The following NIPA1 variants were observed in gnomAD, a reference collection of about 807,000 sequenced individuals.
NIPA1 encodes magnesium transporter NIPA1.
NIPA1 carries 13 observed loss-of-function variants against 23.9 expected under a neutral mutation model. That is an observed-to-expected ratio of 0.54 (90% CI 0.35 to 0.87). The LOEUF is 0.87. Ranked by LOEUF, NIPA1 falls within the 40% of genes least tolerant of loss-of-function variation. The probability of loss-of-function intolerance (pLI) is 0.01; values close to 1 mark genes in which losing one functional copy is unlikely to be tolerated. For synonymous variants in NIPA1, 234 were observed against 202.9 expected, an observed-to-expected ratio of 1.15 and a Z score of -1.30; for missense variants, 362 against 429.7, an observed-to-expected ratio of 0.84 and a Z score of 1.39.
intron 1 of NIPA1, among the ~76,000 whole-genome samples, chr15:22,803,869 C>T (rs1287988548): frequency 4.6e-5 from 7 of 151,586 alleles, no homozygotes; most frequent in Admixed American, 1.3e-4. Context: ...TTAGTAGAGA[C>T]GGGGTTTCAC....
Position 22,828,196 on chromosome 15 carries a change from G to GT in NIPA1, c.*3958dup, listed in dbSNP as rs1361094600. 2 of 152,564 alleles carry GT rather than the reference G, an allele frequency of 1.3e-5. No individual in the cohort carries two copies. Among genetic ancestry groups the GT allele is most frequent in the Non-Finnish European group, 2.9e-5 (2 of 68,028 alleles). 9.5% of individuals were successfully genotyped at this position (152,564 alleles called of 1,614,324 possible). On this transcript the variant is annotated 3_prime_UTR_variant, in exon 5 of 5. Coordinates refer to ENST00000337435, the MANE Select transcript of NIPA1 (RefSeq NM_144599.5). Reference sequence around the variant, plus strand: ...TTTTGCCTTCTCAGGGACCAAAAATGTATCATTGACTCCTTAACAGTGACC... The same window carrying GT: ...TTTTGCCTTCTCAGGGACCAAAAATGTTATCATTGACTCCTTAACAGTGACC...
chr15:22,788,397 A>T (rs1389913105), intron 1 of NIPA1, among the ~76,000 whole-genome samples: 2 of 151,208 alleles, frequency 1.3e-5, no homozygotes, highest in African/African-American at 4.9e-5. Flanking sequence ...GCTACTCGAG[A>T]GGCTGAGGCA....
At chr15:22,792,471 G>A (rs1169830085) in intron 1 of NIPA1, among the ~76,000 whole-genome samples, 3 of 151,890 alleles carry the variant, frequency 2.0e-5, no homozygotes, top group Non-Finnish European at 4.4e-5. Context: ...CCATTTTTCT[G>A]CCTCAGCCTC....
chr15:22,793,102 C>T (rs1894866215), intron 1 of NIPA1, among the ~76,000 whole-genome samples: 1 of 151,746 alleles, frequency 6.6e-6, no homozygotes, highest in African/African-American at 2.4e-5. Flanking sequence ...ATAATCACAG[C>T]ACTTTGGGAC....
Position 22,802,233 on chromosome 15 carries a change from A to C in NIPA1, c.179-8516A>C, listed in dbSNP as rs183506677. Reference sequence around the variant, plus strand: ...ATGGTGAAACCCTGTCTCTACTAAAAATACAAAAATTAGCCAGGCGTGGTG... The same window carrying C: ...ATGGTGAAACCCTGTCTCTACTAAACATACAAAAATTAGCCAGGCGTGGTG... On this transcript the variant is annotated intron_variant, in intron 1 of 4. Transcript: ENST00000337435. Among the ~76,000 whole-genome samples the C allele has an allele frequency of 9.9e-5, 15 of 152,156 alleles. 1 individual carries two copies. The highest frequency in any genetic ancestry group is 9.2e-4 in the Admixed American group (14 of 15,276).
At position 22,786,652 on chromosome 15, in the gene NIPA1, G is replaced by T; in HGVS notation, c.-5G>T. The T allele has an allele frequency of 9.7e-7, 1 of 1,034,002 alleles. No individual in the cohort carries two copies. Among genetic ancestry groups the T allele is most frequent in the Non-Finnish European group, 1.2e-6 (1 of 858,180 alleles). 64.1% of individuals were successfully genotyped at this position (1,034,002 alleles called of 1,614,324 possible). ...GCGCAGGCTCGGAGGGCGGGCGCGGGCGGAATGGGGACTGCAGCTGCGGCA... is the reference window on the plus strand; with the variant it reads ...GCGCAGGCTCGGAGGGCGGGCGCGGTCGGAATGGGGACTGCAGCTGCGGCA... On this transcript the variant is annotated 5_prime_UTR_variant, in exon 1 of 5. Transcript: ENST00000337435.
In NIPA1 at chr15:22,815,255, C is replaced by T. The variant is rs570296024; in HGVS notation, c.317+3002C>T. Among the ~76,000 whole-genome samples, 20 of 152,308 alleles carry T rather than the reference C, an allele frequency of 1.3e-4. 1 individual carries two copies. The East Asian group carries it at 3.7e-3, about 28-fold the overall frequency. The stretch of plus-strand genomic sequence containing the variant: ...CGATAAATTTAACCTTGTTATGATA[C>T]ATGTATCAAATCAACCTCCATATTC... On this transcript the variant is annotated intron_variant, in intron 3 of 4. Transcript: ENST00000337435.
intron 1 of NIPA1, among the ~76,000 whole-genome samples, chr15:22,805,934 T>C (rs1022295290): frequency 4.6e-5 from 7 of 152,052 alleles, no homozygotes; most frequent in Admixed American, 2.6e-4. Flanking sequence ...TATTTATTTA[T>C]TTATTTTGGG....
chr15:22,789,120 GCTGGGATT>G (rs2140844606), intron 1 of NIPA1, among the ~76,000 whole-genome samples: 1 of 151,554 alleles, frequency 6.6e-6, no homozygotes, highest in South Asian at 2.1e-4. Context: ...AGCCTCCCGA[GCTGGGATT>G]ACAGGCGCGT....
At chr15:22,799,914 A>G (rs1427779672) in intron 1 of NIPA1, among the ~76,000 whole-genome samples, 1 of 133,782 alleles carries the variant, frequency 7.5e-6, no homozygotes, top group Non-Finnish European at 1.6e-5. Context: ...ACTGCACTCC[A>G]GCCTGGGAGA....
chr15:22,799,398 C>T (rs1217472756), intron 1 of NIPA1, among the ~76,000 whole-genome samples: 2 of 152,176 alleles, frequency 1.3e-5, no homozygotes, highest in East Asian at 3.9e-4. Context: ...GTTTGTAATC[C>T]CAGTAATCTG....
At chr15:22,818,274 T>G (rs1895466102) in intron 3 of NIPA1, among the ~76,000 whole-genome samples, 1 of 150,846 alleles carries the variant, frequency 6.6e-6, no homozygotes, top group East Asian at 2.0e-4. Context: ...CCGTCTCTAC[T>G]AAATACAAAA....
chr15:22,812,372 C>T lies in NIPA1; in HGVS notation c.317+119C>T, dbSNP rs1555373328. ...TTGTAATAGAAGATAGATCTTCAGG[C>T]CGGGCATGGTGGCTTACGCCTGTAA... On this transcript the variant is annotated intron_variant, in intron 3 of 4. Transcript: ENST00000337435. 14 of 762,846 alleles carry T rather than the reference C, an allele frequency of 1.8e-5. No individual in the cohort carries two copies. In the South Asian group the frequency reaches 1.9e-4, roughly 10 times the overall value. The allele number at this position is 762,846 out of a possible 1,614,324, so 47.3% of individuals were successfully genotyped here. A position where few individuals can be genotyped will look rare whatever the true frequency, so the allele number is the denominator to read the frequency against.
chr15:22,791,726 A>G (rs1438086675), intron 1 of NIPA1, among the ~76,000 whole-genome samples: 1 of 152,020 alleles, frequency 6.6e-6, no homozygotes, highest in Non-Finnish European at 1.5e-5. Flanking sequence ...TCGACCTCCC[A>G]AAGTGCTGGG....
At chr15:22,802,596 G>T (rs1179180043) in intron 1 of NIPA1, among the ~76,000 whole-genome samples, 1 of 151,868 alleles carries the variant, frequency 6.6e-6, no homozygotes, top group Non-Finnish European at 1.5e-5. Flanking sequence ...AAGCTGCACA[G>T]ATCTTAAAGG....
At chr15:22,788,153 C>G (rs537543331) in intron 1 of NIPA1, among the ~76,000 whole-genome samples, 1 of 152,172 alleles carries the variant, frequency 6.6e-6, no homozygotes, top group South Asian at 2.1e-4. Flanking sequence ...CCTCACCTCC[C>G]CAATCCACGG....
At position 22,798,781 on chromosome 15, in the gene NIPA1, A is replaced by G. The variant is rs553146183; in HGVS notation, c.178+11947A>G. ...AACCCGGGAGGCGGAACTTGCAGTG[A>G]GCCGAGATCGCGCCACTGCACTCCA... On this transcript the variant is annotated intron_variant, in intron 1 of 4. Coordinates refer to ENST00000337435, the MANE Select transcript of NIPA1 (RefSeq NM_144599.5). 8.5e-4 allele frequency among the ~76,000 whole-genome samples: 112 copies of G among 131,612 alleles called. 2 individuals carry two copies. In the South Asian group the frequency reaches 0.029, roughly 34 times the overall value. 86.3% of individuals were successfully genotyped at this position (131,612 alleles called of 152,430 possible). A position where few individuals can be genotyped will look rare whatever the true frequency, so the allele number is the denominator to read the frequency against.
rs184173063 is a variant in NIPA1, at chr15:22,811,929, G to C, written c.227-234G>C. ...GCCCATTTCAGTCACTGCTGGTTAG[G>C]TTCGGCATTTCCATGGAGGGCTGAA... On this transcript the variant is annotated intron_variant, in intron 2 of 4. Coordinates refer to ENST00000337435, the MANE Select transcript of NIPA1 (RefSeq NM_144599.5). 2.0e-5 allele frequency among the ~76,000 whole-genome samples: 3 copies of C among 152,328 alleles called. No individual in the cohort carries two copies. In the East Asian group the frequency reaches 5.8e-4, roughly 29 times the overall value.
At position 22,793,440 on chromosome 15, in the gene NIPA1, T is replaced by G. The variant is rs549110625; in HGVS notation, c.178+6606T>G. On this transcript the variant is annotated intron_variant, in intron 1 of 4. Transcript: ENST00000337435. ...TGCCCTGCTGTCAAACATTAGAGCTTCTTTTTTTTTATTTTTTTGAGAGGG... is the reference window on the plus strand; with the variant it reads ...TGCCCTGCTGTCAAACATTAGAGCTGCTTTTTTTTTATTTTTTTGAGAGGG... Among the ~76,000 whole-genome samples, 16 of 151,432 alleles carry G rather than the reference T, an allele frequency of 1.1e-4. No homozygotes were observed. In the South Asian group the frequency reaches 3.3e-3, roughly 32 times the overall value.
Sources: gnomAD v4.1 joint callset for allele counts (sites outside exome capture counted in the v4.1 genomes callset) on GRCh38, gnomAD v4.1.1 for gene constraint, MANE v1.5 for transcripts, NCBI Gene and HGNC (gene_info 2026-07-23, HGNC 2026-07-21) for gene names.